Variants in SPATA13 observed in about 807,000 individuals in gnomAD.
The protein encoded by SPATA13 is spermatogenesis-associated protein 13.
A neutral mutation model predicts 104.0 loss-of-function variants in SPATA13; 50 were observed. That is an observed-to-expected ratio of 0.48 (90% CI 0.38 to 0.61). SPATA13 has a LOEUF of 0.61. Ranked by LOEUF, SPATA13 falls within the 20% of genes least tolerant of loss-of-function variation. The probability of loss-of-function intolerance (pLI) is 0.00; values close to 1 mark genes in which losing one functional copy is unlikely to be tolerated. For synonymous variants in SPATA13, 606 were observed against 667.5 expected, an observed-to-expected ratio of 0.91 and a Z score of 1.42; for missense variants, 1,524 against 1,690.6, an observed-to-expected ratio of 0.90 and a Z score of 1.73.
At position 24,237,623 on chromosome 13, in the gene SPATA13, A is replaced by G. The variant is rs61625532; in HGVS notation, c.1654-11854A>G. On this transcript the variant is annotated intron_variant, in intron 2 of 12. Coordinates refer to ENST00000382108, the MANE Select transcript of SPATA13 (RefSeq NM_001166271.3). The stretch of plus-strand genomic sequence containing the variant: ...GAAGATGGATGGTGGTGATAATTAC[A>G]TAACAGTGTGAATGTACTTAATCCC... Among the ~76,000 whole-genome samples, 683 of 152,186 alleles carry G rather than the reference A, an allele frequency of 4.5e-3. 6 individuals carry two copies. The highest frequency in any genetic ancestry group is 0.015 in the African/African-American group (625 of 41,538).
At chr13:24,053,724 C>G (rs1437393860) in intron 3 of SPATA13, among the ~76,000 whole-genome samples, 1 of 152,134 alleles carries the variant, frequency 6.6e-6, no homozygotes, top group Non-Finnish European at 1.5e-5. Context: ...GGTTTCACTT[C>G]TGTATGATTT....
At chr13:24,074,721 T>C (rs550562869) in intron 3 of SPATA13, among the ~76,000 whole-genome samples, 3 of 152,098 alleles carry the variant, frequency 2.0e-5, no homozygotes, top group Non-Finnish European at 4.4e-5. Context: ...CTTCAGACAA[T>C]TGGATTTAGC....
chr13:24,082,848 A>C (rs927782250), intron 3 of SPATA13, among the ~76,000 whole-genome samples: 5 of 150,952 alleles, frequency 3.3e-5, no homozygotes, highest in African/African-American at 4.9e-5. Context: ...AAAAAAAAAA[A>C]AAAAAATAAG....
intron 2 of SPATA13, among the ~76,000 whole-genome samples, chr13:24,009,984 A>G (rs1462164953): frequency 6.6e-6 from 1 of 152,236 alleles, no homozygotes; most frequent in Non-Finnish European, 1.5e-5. Flanking sequence ...TCCTGACAAC[A>G]TGTGCACAAG....
chr13:24,082,737 G>A (rs369753547), intron 3 of SPATA13, among the ~76,000 whole-genome samples: 10 of 145,464 alleles, frequency 6.9e-5, no homozygotes, highest in South Asian at 6.7e-4. Context: ...GGAGAATGGC[G>A]TGAACCCGGG....
At chr13:24,133,972 G>C (rs1362907275) in intron 3 of SPATA13, among the ~76,000 whole-genome samples, 1 of 152,158 alleles carries the variant, frequency 6.6e-6, no homozygotes, top group Non-Finnish European at 1.5e-5. Context: ...GAGGGGGCTG[G>C]GTCGAGCCCC....
At chr13:24,219,010 A>G (rs1311812765) in intron 1 of SPATA13, among the ~76,000 whole-genome samples, 1 of 151,398 alleles carries the variant, frequency 6.6e-6, no homozygotes, top group Non-Finnish European at 1.5e-5. Context: ...CACCAAAAAA[A>G]AAAAAAAAAA....
chr13:24,296,179 T>C (rs1398791992), intron 10 of SPATA13, among the ~76,000 whole-genome samples: 1 of 152,186 alleles, frequency 6.6e-6, no homozygotes, highest in Admixed American at 6.5e-5. Context: ...TCAAGGGCCT[T>C]ATAGACTTCT....
chr13:24,084,132 C>T (rs568929956), intron 3 of SPATA13, among the ~76,000 whole-genome samples: 3 of 152,272 alleles, frequency 2.0e-5, no homozygotes, highest in Non-Finnish European at 4.4e-5. Flanking sequence ...GTAATGAGCT[C>T]CCAAGCCTGA....
chr13:24,238,132 CTTTTTTTT>C (rs66810619), intron 2 of SPATA13, among the ~76,000 whole-genome samples: 1 of 77,154 alleles, frequency 1.3e-5, no homozygotes, highest in African/African-American at 5.0e-5. Context: ...TTCTTCTTGA[CTTTTTTTT>C]TTTTTTTTTT....
chr13:24,291,180 A>G (rs762951611), intron 9 of SPATA13, among the ~76,000 whole-genome samples: 57 of 152,298 alleles, frequency 3.7e-4, no homozygotes, highest in Non-Finnish European at 7.5e-4. Context: ...CCTGTATTTT[A>G]TAAACATGTC....
chr13:24,158,351 G>A (rs529612841), upstream of SPATA13, among the ~76,000 whole-genome samples: 1 of 152,332 alleles, frequency 6.6e-6, no homozygotes, highest in East Asian at 1.9e-4. Flanking sequence ...GCCACTGCGG[G>A]AGACCTAGGC....
chr13:24,149,104 G>C (rs1308120217), intron 3 of SPATA13, among the ~76,000 whole-genome samples: 1 of 152,220 alleles, frequency 6.6e-6, no homozygotes, highest in African/African-American at 2.4e-5. Context: ...GCAGGAAGAA[G>C]CCATGGGGCA....
chr13:24,009,888 G>C (rs1876393258), intron 2 of SPATA13, among the ~76,000 whole-genome samples: 1 of 152,128 alleles, frequency 6.6e-6, no homozygotes, highest in Non-Finnish European at 1.5e-5. Context: ...ACTTTTTCAG[G>C]TTAACTTTGG....
chr13:24,268,257 T>G (rs1012489526), intron 4 of SPATA13, among the ~76,000 whole-genome samples: 4 of 152,210 alleles, frequency 2.6e-5, no homozygotes, highest in Admixed American at 2.0e-4. Context: ...ACTCTTTTCT[T>G]GGAGCGTATT....
chr13:24,111,139 G>C (rs7321923), intron 3 of SPATA13, among the ~76,000 whole-genome samples: 45,376 of 151,400 alleles, frequency 0.3, 7,165 homozygotes, highest in African/African-American at 0.35. Context: ...TGAACCCCTG[G>C]TTTCAAGTGA....
intron 4 of SPATA13, among the ~76,000 whole-genome samples, chr13:24,266,922 G>A (rs769225529): frequency 4.6e-5 from 7 of 151,926 alleles, no homozygotes; most frequent in Non-Finnish European, 8.8e-5. Flanking sequence ...CTCCCAAAGT[G>A]CTGGGATTAT....
At chr13:24,218,364 G>A (rs574451086) in intron 1 of SPATA13, among the ~76,000 whole-genome samples, 1 of 152,180 alleles carries the variant, frequency 6.6e-6, no homozygotes, top group African/African-American at 2.4e-5. Flanking sequence ...CCCAGGTTCT[G>A]GCCAGGAGGT....
chr13:23,981,771 A>G (rs905181328), intron 1 of SPATA13, among the ~76,000 whole-genome samples: 2 of 152,226 alleles, frequency 1.3e-5, no homozygotes, highest in Non-Finnish European at 2.9e-5. Flanking sequence ...CTGCTATGAC[A>G]TATATTTTGG....
Sources: allele counts gnomAD v4.1 joint callset (sites outside exome capture counted in the v4.1 genomes callset), GRCh38; gene constraint gnomAD v4.1.1; transcripts MANE v1.5; gene names NCBI Gene and HGNC (gene_info 2026-07-23, HGNC 2026-07-21).